PAX5: variants seen among roughly 807,000 people sequenced by gnomAD.
The protein encoded by PAX5 is paired box protein Pax-5.
Under a neutral mutation model 43.7 loss-of-function variants are expected in PAX5, and 9 were observed. The observed-to-expected ratio is 0.21, with a 90% CI of 0.12 to 0.36. The LOEUF (loss-of-function observed/expected upper bound fraction) is 0.36, where lower values mean the gene tolerates loss of function less well. PAX5 is among the 10% of genes least tolerant of loss of function. The pLI is 1.00. For missense variants in PAX5, 383 were observed against 532.7 expected, an observed-to-expected ratio of 0.72 and a Z score of 2.77; for synonymous variants, 228 against 214.3, an observed-to-expected ratio of 1.06 and a Z score of -0.56.
In PAX5 at chr9:36,881,046, A is replaced by C. The variant is rs554506022; in HGVS notation, c.1012+958T>G. Among the ~76,000 whole-genome samples the C allele has an allele frequency of 1.6e-4, 25 of 152,368 alleles. No individual in the cohort carries two copies. In the East Asian group the frequency reaches 4.8e-3, roughly 29 times the overall value. On this transcript the variant is annotated intron_variant, in intron 8 of 9. Coordinates refer to ENST00000358127, the MANE Select transcript of PAX5 (RefSeq NM_016734.3). ...AGTAATAATGCATTGCATATTTCCA[A>C]CAGCTAAAAGAGAGGTTTTTAATGG...
At chr9:37,028,579 G>A (rs1489701481) in intron 1 of PAX5, among the ~76,000 whole-genome samples, 1 of 152,234 alleles carries the variant, frequency 6.6e-6, no homozygotes, top group Non-Finnish European at 1.5e-5. Context: ...CTCAGATCAG[G>A]AACTGCCAGA....
chr9:36,919,914 G>A (rs1263329782), intron 7 of PAX5, among the ~76,000 whole-genome samples: 2 of 151,060 alleles, frequency 1.3e-5, no homozygotes, highest in Non-Finnish European at 2.9e-5. Context: ...CACATTTACA[G>A]GAGTTGGGAA....
chr9:36,912,121 G>C (rs896396199), intron 7 of PAX5, among the ~76,000 whole-genome samples: 6 of 152,226 alleles, frequency 3.9e-5, no homozygotes, highest in African/African-American at 1.4e-4. Flanking sequence ...GGATTTCTGC[G>C]GGATCAGGAC....
chr9:36,873,275 G>C (rs1825644047), intron 8 of PAX5, among the ~76,000 whole-genome samples: 1 of 152,226 alleles, frequency 6.6e-6, no homozygotes, highest in Non-Finnish European at 1.5e-5. Flanking sequence ...TAGACTGTGA[G>C]CTCCCTGAGG....
intron 7 of PAX5, among the ~76,000 whole-genome samples, chr9:36,921,056 G>A (rs1330800376): frequency 1.3e-5 from 2 of 152,066 alleles, no homozygotes; most frequent in East Asian, 3.9e-4. Flanking sequence ...CAGGTGATCT[G>A]CCCGCCTCGG....
chr9:36,997,799 C>A (rs150542204), intron 5 of PAX5, among the ~76,000 whole-genome samples: 100 of 152,340 alleles, frequency 6.6e-4, no homozygotes, highest in Non-Finnish European at 1.0e-3. Flanking sequence ...CGAGAGGCTG[C>A]GCTGGGGATA....
chr9:36,929,812 C>T (rs926159270), intron 6 of PAX5, among the ~76,000 whole-genome samples: 2 of 152,140 alleles, frequency 1.3e-5, no homozygotes, highest in Non-Finnish European at 2.9e-5. Flanking sequence ...CTGCAACCTC[C>T]ACCTCCCTGT....
chr9:37,020,892 T>G, intron 1 of PAX5, 91 bp from the exon 2 acceptor site: 4 of 1,360,812 alleles, frequency 2.9e-6, no homozygotes, highest in Non-Finnish European at 1.0e-6. Context: ...AGAGCCCCTC[T>G]GATCACAAAT....
At chr9:36,952,432 G>T (rs1020197685) in intron 6 of PAX5, among the ~76,000 whole-genome samples, 1 of 151,600 alleles carries the variant, frequency 6.6e-6, no homozygotes, top group Non-Finnish European at 1.5e-5. Flanking sequence ...TAGAGACGGG[G>T]TTTCAATATG....
chr9:36,869,056 G>C (rs577450690), intron 8 of PAX5, among the ~76,000 whole-genome samples: 1 of 152,304 alleles, frequency 6.6e-6, no homozygotes, highest in African/African-American at 2.4e-5. Context: ...GGCTCTCACT[G>C]CCCTGAGGGC....
At position 36,923,461 on chromosome 9, in the gene PAX5, G is replaced by A; in HGVS notation, c.804C>T (p.Ala268=). 4 of 1,611,598 alleles carry A rather than the reference G, an allele frequency of 2.5e-6. No homozygotes were observed. Among genetic ancestry groups the A allele is most frequent in the Non-Finnish European group, 3.4e-6 (4 of 1,179,916 alleles). ...PEQTTEYSAM[A]SLAGGLDDMK... is the part of the protein sequence containing the mutation. ...TGTCGTCCAGCCCACCAGCCAGCGAGGCCATGGCTGAATACTCTGTGGTCT... is the reference window on the plus strand; with the variant it reads ...TGTCGTCCAGCCCACCAGCCAGCGAAGCCATGGCTGAATACTCTGTGGTCT... Residue 268 remains alanine, a synonymous_variant, in exon 7 of 10, where the codon GCC becomes GCT. Transcript: ENST00000358127.
At chr9:37,026,966 A>G (rs935150880) in intron 1 of PAX5, among the ~76,000 whole-genome samples, 5 of 152,164 alleles carry the variant, frequency 3.3e-5, no homozygotes, top group Non-Finnish European at 5.9e-5. Flanking sequence ...AGCTTTGAGG[A>G]GGCCGCCGGA....
intron 6 of PAX5, among the ~76,000 whole-genome samples, chr9:36,938,843 A>G (rs1831787203): frequency 6.6e-6 from 1 of 152,204 alleles, no homozygotes; most frequent in South Asian, 2.1e-4. Flanking sequence ...TCAGTGCCAC[A>G]TACAGCTGCG....
At chr9:36,883,133 T>C (rs62534681) in intron 7 of PAX5, among the ~76,000 whole-genome samples, 2,531 of 152,272 alleles carry the variant, frequency 0.017, 38 homozygotes, top group Non-Finnish European at 0.026. Flanking sequence ...TCGGCTGACC[T>C]GAGGCAAGGC....
chr9:36,849,125 G>T (rs1301640829), intron 8 of PAX5, among the ~76,000 whole-genome samples: 1 of 152,198 alleles, frequency 6.6e-6, no homozygotes, highest in Non-Finnish European at 1.5e-5. Context: ...TCCGTTGTAC[G>T]TGGGCATGCT....
chr9:36,873,806 G>A (rs1368717354), intron 8 of PAX5, among the ~76,000 whole-genome samples: 1 of 152,196 alleles, frequency 6.6e-6, no homozygotes, highest in Non-Finnish European at 1.5e-5. Context: ...ACTAATCATA[G>A]GAAAGGTTCT....
At chr9:37,006,154 T>A (rs1838367203) in intron 4 of PAX5, among the ~76,000 whole-genome samples, 1 of 152,198 alleles carries the variant, frequency 6.6e-6, no homozygotes, top group Admixed American at 6.5e-5. Flanking sequence ...TGAATAAGTA[T>A]CCCTTTCTTG....
chr9:36,890,529 C>T (rs546509876), intron 7 of PAX5, among the ~76,000 whole-genome samples: 1 of 152,172 alleles, frequency 6.6e-6, no homozygotes, highest in Non-Finnish European at 1.5e-5. Context: ...AAACTTCACC[C>T]CCTCTCTGGG....
At chr9:36,870,933 C>T (rs977597249) in intron 8 of PAX5, among the ~76,000 whole-genome samples, 4 of 152,258 alleles carry the variant, frequency 2.6e-5, no homozygotes, top group Non-Finnish European at 4.4e-5. Flanking sequence ...ATAGGGTGCC[C>T]TCAGGGCAGG....
Sources: gnomAD v4.1 joint callset for allele counts (sites outside exome capture counted in the v4.1 genomes callset) on GRCh38, gnomAD v4.1.1 for gene constraint, MANE v1.5 for transcripts, NCBI Gene and HGNC (gene_info 2026-07-23, HGNC 2026-07-21) for gene names.